CSMD1: variants seen among roughly 807,000 people sequenced by gnomAD.
The protein encoded by CSMD1 is CUB and sushi domain-containing protein 1.
CSMD1 carries 213 observed loss-of-function variants against 417.5 expected under a neutral mutation model. The observed-to-expected ratio is 0.51, with a 90% CI of 0.46 to 0.57. The LOEUF (loss-of-function observed/expected upper bound fraction) is 0.57. CSMD1 is among the 20% of genes least tolerant of loss of function. The pLI is 0.00. For synonymous variants in CSMD1, 2,862 were observed against 1,736.8 expected (o/e 1.65, Z -16.11); for missense variants, 6,923 against 4,529.7 (o/e 1.53, Z -15.17).
intron 3 of CSMD1, among the ~76,000 whole-genome samples, chr8:4,120,437 C>G (rs560485016): frequency 6.6e-6 from 1 of 152,202 alleles, no homozygotes; most frequent in African/African-American, 2.4e-5. Flanking sequence ...CTCCTTCCTC[C>G]TCCTCTCTGT....
intron 4 of CSMD1, among the ~76,000 whole-genome samples, chr8:4,008,298 T>G (rs1176627977): frequency 6.6e-6 from 1 of 152,090 alleles, no homozygotes; most frequent in African/African-American, 2.4e-5. Flanking sequence ...ACAAATATAG[T>G]TATTCTGTTC....
intron 2 of CSMD1, among the ~76,000 whole-genome samples, chr8:4,613,966 G>C (rs1363223276): frequency 6.6e-6 from 1 of 151,404 alleles, no homozygotes. Context: ...TTTATTGTTA[G>C]GAATCTTCAT....
intron 5 of CSMD1, among the ~76,000 whole-genome samples, chr8:3,969,314 C>T (rs1157021208): frequency 2.6e-5 from 4 of 152,092 alleles, no homozygotes; most frequent in Non-Finnish European, 5.9e-5. Context: ...GAAAGGGCTT[C>T]CCAGGCCCAT....
At chr8:4,671,674 G>A (rs1462017784) in intron 1 of CSMD1, among the ~76,000 whole-genome samples, 1 of 152,098 alleles carries the variant, frequency 6.6e-6, no homozygotes, top group Non-Finnish European at 1.5e-5. Flanking sequence ...TCATGATTCA[G>A]TTTATAGATT....
chr8:3,521,131 G>T (rs911445265), intron 10 of CSMD1, among the ~76,000 whole-genome samples: 15 of 151,064 alleles, frequency 9.9e-5, no homozygotes, highest in African/African-American at 3.4e-4. Flanking sequence ...CACCATTCCA[G>T]TCCATCCTAC....
At chr8:4,315,910 C>G (rs1288071847) in intron 3 of CSMD1, among the ~76,000 whole-genome samples, 1 of 152,074 alleles carries the variant, frequency 6.6e-6, no homozygotes, top group African/African-American at 2.4e-5. Flanking sequence ...TAAAGATGCA[C>G]TCAAATGTAC....
chr8:4,793,822 A>G (rs1018497855), intron 1 of CSMD1, among the ~76,000 whole-genome samples: 1 of 124,834 alleles, frequency 8.0e-6, no homozygotes, highest in African/African-American at 2.6e-5. Flanking sequence ...AGCAGGCCAC[A>G]ACCCCAGAAT....
chr8:4,236,396 C>A (rs975588262), intron 3 of CSMD1, among the ~76,000 whole-genome samples: 2 of 152,114 alleles, frequency 1.3e-5, no homozygotes, highest in Non-Finnish European at 2.9e-5. Flanking sequence ...CGAGACGAAG[C>A]ACCCACTCTA....
intron 47 of CSMD1, among the ~76,000 whole-genome samples, chr8:3,094,508 C>G (rs1338379684): frequency 1.3e-5 from 2 of 152,096 alleles, no homozygotes; most frequent in Non-Finnish European, 2.9e-5. Context: ...TCTTTAAAAG[C>G]ACATATTCAA....
intron 3 of CSMD1, among the ~76,000 whole-genome samples, chr8:4,154,483 A>G (rs1213368979): frequency 2.0e-5 from 3 of 152,144 alleles, no homozygotes; most frequent in Non-Finnish European, 4.4e-5. Flanking sequence ...AGAATGGTTT[A>G]CCCCAAGTTC....
intron 2 of CSMD1, among the ~76,000 whole-genome samples, chr8:4,564,604 G>C (rs1354443029): frequency 3.9e-5 from 6 of 152,140 alleles, no homozygotes; most frequent in Non-Finnish European, 5.9e-5. Flanking sequence ...AGCAAATCCA[G>C]GTAACAGTTA....
intron 3 of CSMD1, among the ~76,000 whole-genome samples, chr8:4,355,329 A>G (rs958358705): frequency 6.7e-6 from 1 of 150,250 alleles, no homozygotes; most frequent in Admixed American, 6.6e-5. Context: ...ACACACGCAC[A>G]CACACACACG....
At chr8:4,235,064 T>C (rs1801963973) in intron 3 of CSMD1, among the ~76,000 whole-genome samples, 1 of 152,168 alleles carries the variant, frequency 6.6e-6, no homozygotes, top group Non-Finnish European at 1.5e-5. Context: ...ACGCATTCCA[T>C]CCATAGGAGT....
intron 25 of CSMD1, among the ~76,000 whole-genome samples, chr8:3,305,667 TTAACTTAC>T (rs1804779080): frequency 6.6e-6 from 1 of 152,206 alleles, no homozygotes; most frequent in African/African-American, 2.4e-5. Context: ...ACTAAACTTC[TTAACTTAC>T]TAAGTCTGTA....
At chr8:3,104,154 T>TG (rs1815959870) in intron 46 of CSMD1, among the ~76,000 whole-genome samples, 1 of 152,240 alleles carries the variant, frequency 6.6e-6, no homozygotes, top group Non-Finnish European at 1.5e-5. Context: ...CTTGAGGCTT[T>TG]GTTTGTTGGG....
At position 4,032,020 on chromosome 8, in the gene CSMD1, G is replaced by C. The variant is rs1367779269; in HGVS notation, c.495C>G (p.Asp165Glu). ...VLHGTRFNIGDKIRYSCLPGY... is the reference protein window; with the variant it reads ...VLHGTRFNIGEKIRYSCLPGY... ...CAGGGAGGCAGCTGTACCGGATTTT[G>C]TCTCCTATGTTGAATCTCGTTCCAT... Residue 165 changes from aspartate to glutamate, a missense_variant, in exon 4 of 70, where the codon GAC becomes GAG. Transcript: ENST00000635120. 4.3e-6 allele frequency: 7 copies of C among 1,613,920 alleles called. No homozygotes were observed. The highest frequency in any genetic ancestry group is 2.2e-5 in the East Asian group (1 of 44,864).
At chr8:3,616,174 T>C (rs541059248) in intron 8 of CSMD1, among the ~76,000 whole-genome samples, 14 of 152,210 alleles carry the variant, frequency 9.2e-5, no homozygotes, top group African/African-American at 3.4e-4. Context: ...CCCACGCAAA[T>C]CTCATCTGGA....
intron 3 of CSMD1, among the ~76,000 whole-genome samples, chr8:4,072,307 GC>G (rs1199552805): frequency 1.3e-5 from 2 of 152,108 alleles, no homozygotes; most frequent in Non-Finnish European, 2.9e-5. Flanking sequence ...ACCTTCCTTT[GC>G]CTTCAAAATG....
chr8:4,814,839 G>A (rs529928377), intron 1 of CSMD1, among the ~76,000 whole-genome samples: 167 of 151,696 alleles, frequency 1.1e-3, no homozygotes, highest in Non-Finnish European at 1.5e-3. Context: ...ATAATACTGC[G>A]GACTCTTAAT....
Sources: gnomAD v4.1 joint callset for allele counts (sites outside exome capture counted in the v4.1 genomes callset) on GRCh38, gnomAD v4.1.1 for gene constraint, MANE v1.5 for transcripts, NCBI Gene and HGNC (gene_info 2026-07-23, HGNC 2026-07-21) for gene names.